The following ASIC1 variants were observed in gnomAD, a reference collection of about 807,000 sequenced individuals.
ASIC1 encodes the protein acid-sensing ion channel 1.
Under a neutral mutation model 63.4 loss-of-function variants are expected in ASIC1, and 21 were observed. That is an observed-to-expected ratio of 0.33 (90% CI 0.23 to 0.48). The LOEUF is 0.48. ASIC1 is among the 20% of genes least tolerant of loss of function. The pLI is 0.99. For synonymous variants in ASIC1, 258 were observed against 278.2 expected, an observed-to-expected ratio of 0.93 and a Z score of 0.72; for missense variants, 478 against 695.5, an observed-to-expected ratio of 0.69 and a Z score of 3.52.
chr12:50,077,811 T>G (rs1396025671), intron 4 of ASIC1, among the ~76,000 whole-genome samples, 189 bp from the exon 5 acceptor site: 1 of 151,852 alleles, frequency 6.6e-6, no homozygotes, highest in African/African-American at 2.4e-5. Flanking sequence ...GATACAGGGG[T>G]CATCGGAGCA....
In ASIC1 at chr12:50,077,283, T is replaced by C. The variant is rs760408718; in HGVS notation, c.629T>C (p.Met210Thr). ...GATGGGCGGCCGCGGCTGAAGACCA[T>C]GAAGGGTGGGACGGGCAATGGGCTG... ...GRDGRPRLKT[M>T]KGGTGNGLEI... Residue 210 changes from methionine to threonine, a missense_variant, in exon 4 of 12, where the codon ATG (methionine) becomes ACG (threonine). Physicochemically the swap from Met to Thr is moderately conservative, Grantham distance 81 (BLOSUM62 -1). Around this residue, in one of 3 missense-constraint regions of ASIC1, gnomAD observed 290 missense variants for 414.9 expected, o/e 0.70. Coordinates refer to ENST00000447966, the MANE Select transcript of ASIC1 (RefSeq NM_001095.4). The C allele has an allele frequency of 1.9e-6, 3 of 1,614,076 alleles. No individual in the cohort carries two copies. The highest frequency in any genetic ancestry group is 2.2e-5 in the South Asian group (2 of 91,076).
rs956990799 is a variant in ASIC1, at chr12:50,059,961, C to A, written c.558+7C>A. ...CGCTGAAGACTTCAAGGTGGTGAGT[C>A]CCCTCGTGTGGGGTGTGAGTCAGCC... is the stretch of plus-strand genomic sequence containing the variant. On this transcript the variant is annotated splice_region_variant and intron_variant, in intron 3 of 11. Transcript: ENST00000447966. The surrounding 1 kb of genome is among the most constrained non-coding windows in gnomAD (Gnocchi z 4.6). The A allele has an allele frequency of 1.9e-6, 3 of 1,612,966 alleles. No homozygotes were observed. The Admixed American group carries it at 5.0e-5, about 27-fold the overall frequency.
rs1323354721 is a variant in ASIC1 at position 50,059,924 on chromosome 12, G to A, written c.528G>A (p.Gly176=). ...RDMLLSCHFR[G]EVCSAEDFKV... is the part of the protein sequence containing the mutation. ...TGCTGCTCTCCTGCCACTTCCGGGG[G>A]GAGGTCTGCAGCGCTGAAGACTTCA... is the stretch of plus-strand genomic sequence containing the variant. The change falls in exon 3 of 12, where the codon GGG becomes GGA. Residue 176 remains glycine, a synonymous_variant. Coordinates refer to ENST00000447966, the MANE Select transcript of ASIC1 (RefSeq NM_001095.4). This position sits in a 1 kb window ranked among gnomAD's most constrained non-coding sequence, Gnocchi z 4.6. 5 of 1,613,978 alleles carry A rather than the reference G, an allele frequency of 3.1e-6. No homozygotes were observed. The African/African-American group carries it at 6.7e-5, about 22-fold the overall frequency.
Position 50,081,782 on chromosome 12 carries a change from A to G in ASIC1, c.*133A>G. 2.6e-6 allele frequency: 2 copies of G among 762,474 alleles called. No homozygotes were observed. Among genetic ancestry groups the G allele is most frequent in the South Asian group, 1.7e-5 (1 of 57,264 alleles). The allele number at this position is 762,474 out of a possible 1,614,324, so 47.2% of individuals were successfully genotyped here. On this transcript the variant is annotated 3_prime_UTR_variant, in exon 12 of 12. Coordinates refer to ENST00000447966, the MANE Select transcript of ASIC1 (RefSeq NM_001095.4). ...CAGATCTTTCCTCTTGTCTGTGGTA[A>G]GGAAGGAGTCTTGACCATAGAGTCC...
intron 3 of ASIC1, chr12:50,073,903 G>A: frequency 6.5e-7 from 1 of 1,535,236 alleles, no homozygotes; most frequent in South Asian, 1.2e-5. Flanking sequence ...CCTGTGCCAG[G>A]TAGGGGACCG....
In ASIC1 at chr12:50,058,803, G is replaced by C. The variant is rs368761955; in HGVS notation, c.37G>C (p.Val13Leu). The C allele has an allele frequency of 6.3e-7, 1 of 1,598,064 alleles. No homozygotes were observed. Among genetic ancestry groups the C allele is most frequent in the Non-Finnish European group, 8.6e-7 (1 of 1,168,838 alleles). Reference sequence around the variant, plus strand: ...GGCCGAGGAGGAGGAGGTGGGTGGCGTCCAGCCGGTGAGCATCCAGGCCTT... The same window carrying C: ...GGCCGAGGAGGAGGAGGTGGGTGGCCTCCAGCCGGTGAGCATCCAGGCCTT... ...LKAEEEEVGGVQPVSIQAFAS... is the reference protein window; with the variant it reads ...LKAEEEEVGGLQPVSIQAFAS... The change falls in exon 2 of 12, where the codon GTC becomes CTC. Residue 13 changes from valine (V) to leucine (L), a missense_variant. This residue lies in a region of ASIC1 where 290 missense variants were observed against 414.9 expected (regional missense o/e 0.70). Transcript: ENST00000447966.
chr12:50,073,690 A>G, intron 3 of ASIC1: 4 of 1,536,510 alleles, frequency 2.6e-6, no homozygotes, highest in Non-Finnish European at 3.5e-6. Context: ...GCAGCAGGAC[A>G]TCTCAGAATC....
chr12:50,069,257 TTTATTTATTTA>T (rs771449705), intron 3 of ASIC1, among the ~76,000 whole-genome samples: 43 of 11,972 alleles, frequency 3.6e-3, no homozygotes, highest in Non-Finnish European at 0.01. Context: ...TATTTTTTAT[TTTATTTATTTA>T]TTTATTTATT....
chr12:50,070,722 C>T (rs911156177), intron 3 of ASIC1: 5 of 152,262 alleles, frequency 3.3e-5, no homozygotes, highest in African/African-American at 1.2e-4. Context: ...CAGCCCAAGC[C>T]TCAGCCCCAC....
intron 4 of ASIC1, 109 bp downstream of exon 4, chr12:50,077,472 C>A: frequency 6.9e-7 from 1 of 1,440,312 alleles, no homozygotes; most frequent in South Asian, 1.3e-5. Context: ...GCTTTCCCCT[C>A]TCCCTCCAGC....
chr12:50,058,994 G>A lies in ASIC1; in HGVS notation c.228G>A (p.Lys76=). 1 of 1,614,202 alleles carries A rather than the reference G, an allele frequency of 6.2e-7. No homozygotes were observed. ...QYYFHYHHVT[K]LDEVAASQLT... is the part of the protein sequence containing the mutation. ...ACTTCCACTACCACCATGTCACCAA[G>A]CTCGACGAGGTGGCTGCCTCTCAGC... is the stretch of plus-strand genomic sequence containing the variant. Residue 76 remains lysine (K), a synonymous_variant, in exon 2 of 12, where the codon AAG becomes AAA. Coordinates refer to ENST00000447966, the MANE Select transcript of ASIC1 (RefSeq NM_001095.4).
intron 3 of ASIC1, chr12:50,073,913 G>A (rs1393605862): frequency 9.8e-6 from 15 of 1,535,536 alleles, no homozygotes; most frequent in Middle Eastern, 1.7e-4. Flanking sequence ...GTAGGGGACC[G>A]CGTTGCTTAT....
At chr12:50,070,355 G>A (rs1565728243) in intron 3 of ASIC1, among the ~76,000 whole-genome samples, 1 of 151,704 alleles carries the variant, frequency 6.6e-6, no homozygotes, top group African/African-American at 2.4e-5. Flanking sequence ...CATGCAGTTG[G>A]GTGTGTGTGT....
At position 50,058,817 on chromosome 12, in the gene ASIC1, C is replaced by T. The variant is rs1364272171; in HGVS notation, c.51C>T (p.Ser17=). The change falls in exon 2 of 12, where the codon AGC becomes AGT. Residue 17 remains serine (S), a synonymous_variant. Transcript: ENST00000447966. ...EEEVGGVQPV[S]IQAFASSSTL... is the part of the protein sequence containing the mutation. ...AGGTGGGTGGCGTCCAGCCGGTGAGCATCCAGGCCTTCGCCAGCAGCTCCA... is the reference window on the plus strand; with the variant it reads ...AGGTGGGTGGCGTCCAGCCGGTGAGTATCCAGGCCTTCGCCAGCAGCTCCA... The T allele has an allele frequency of 6.2e-7, 1 of 1,605,156 alleles. No homozygotes were observed. Among genetic ancestry groups the T allele is most frequent in the East Asian group, 2.2e-5 (1 of 44,680 alleles).
chr12:50,074,275 C>A lies in ASIC1; in HGVS notation c.559-2938C>A. ...TGGAGCCCCATGCCTGCCACAGTAC[C>A]CCAAGAGTGTCTGCCATGGCTGTCC... On this transcript the variant is annotated intron_variant, in intron 3 of 11. Coordinates refer to ENST00000447966, the MANE Select transcript of ASIC1 (RefSeq NM_001095.4). This position sits in a 1 kb window ranked among gnomAD's most constrained non-coding sequence, Gnocchi z 4.2. 6.9e-7 allele frequency: 1 copy of A among 1,445,856 alleles called. No homozygotes were observed. Among genetic ancestry groups the A allele is most frequent in the East Asian group, 2.5e-5 (1 of 40,076 alleles). 89.6% of individuals were successfully genotyped at this position (1,445,856 alleles called of 1,614,324 possible). A position where few individuals can be genotyped will look rare whatever the true frequency, so the allele number is the denominator to read the frequency against.
At chr12:50,058,487 A>T (rs1950468376) in intron 1 of ASIC1, among the ~76,000 whole-genome samples, 2 of 152,124 alleles carry the variant, frequency 1.3e-5, no homozygotes, top group Admixed American at 6.5e-5. Context: ...ACCTCGGATG[A>T]CTATATCTGG....
chr12:50,058,797 G>A lies in ASIC1; in HGVS notation c.31G>A (p.Gly11Ser). 4 of 1,595,356 alleles carry A rather than the reference G, an allele frequency of 2.5e-6. No individual in the cohort carries two copies. The highest frequency in any genetic ancestry group is 3.4e-6 in the Non-Finnish European group (4 of 1,167,376). ...ACTGAAGGCCGAGGAGGAGGAGGTG[G>A]GTGGCGTCCAGCCGGTGAGCATCCA... MELKAEEEEVGGVQPVSIQAF... is the reference protein window; with the variant it reads MELKAEEEEVSGVQPVSIQAF... The change falls in exon 2 of 12, where the codon GGT becomes AGT. Residue 11 changes from glycine (G) to serine (S), a missense_variant. Physicochemically the swap from Gly to Ser is moderately conservative, Grantham distance 56. Coordinates refer to ENST00000447966, the MANE Select transcript of ASIC1 (RefSeq NM_001095.4).
chr12:50,060,595 A>G (rs425726), intron 3 of ASIC1, among the ~76,000 whole-genome samples: 151,535 of 152,380 alleles, frequency 0.99, 75,360 homozygotes, highest in Middle Eastern at 1. Flanking sequence ...CAGAGCCAGG[A>G]TCTGAGGAAA....
intron 3 of ASIC1, among the ~76,000 whole-genome samples, chr12:50,072,979 G>A (rs116626786): frequency 4.6e-5 from 7 of 152,176 alleles, no homozygotes; most frequent in Non-Finnish European, 1.0e-4. Context: ...GCACGGAGGG[G>A]CTCAGGTATC....
Sources: allele counts gnomAD v4.1 joint callset (sites outside exome capture counted in the v4.1 genomes callset), GRCh38; gene constraint gnomAD v4.1.1; regional missense constraint gnomAD v4.1.1; non-coding constraint Gnocchi (gnomAD v3.1); transcripts MANE v1.5; gene names NCBI Gene and HGNC (gene_info 2026-07-23, HGNC 2026-07-21).